EXOC6B: variants seen among roughly 807,000 people sequenced by gnomAD.
EXOC6B encodes SEC15 homolog B.
In EXOC6B, 54 loss-of-function variants were observed where a neutral mutation model predicts 113.5. That is an observed-to-expected ratio of 0.48 (90% CI 0.38 to 0.60). The LOEUF (loss-of-function observed/expected upper bound fraction) is 0.60, where lower values mean the gene tolerates loss of function less well. Ranked by LOEUF, EXOC6B falls within the 20% of genes least tolerant of loss-of-function variation. The pLI, the probability that EXOC6B is intolerant of heterozygous loss-of-function variation, is 0.00. For missense variants in EXOC6B, 797 were observed against 977.5 expected (o/e 0.82, Z 2.46); for synonymous variants, 357 against 339.0 (o/e 1.05, Z -0.58).
At chr2:72,618,468 T>C (rs1282346875) in intron 6 of EXOC6B, among the ~76,000 whole-genome samples, 1 of 152,168 alleles carries the variant, frequency 6.6e-6, no homozygotes, top group Non-Finnish European at 1.5e-5. Flanking sequence ...TATTCCAAAA[T>C]AAGACCCACC....
intron 8 of EXOC6B, among the ~76,000 whole-genome samples, chr2:72,537,532 G>C (rs896639359): frequency 2.0e-5 from 3 of 151,828 alleles, no homozygotes; most frequent in Non-Finnish European, 1.5e-5. Context: ...TCTGGAGGCT[G>C]AGTTGGGAAA....
chr2:72,348,542 T>G (rs983900559), intron 19 of EXOC6B, among the ~76,000 whole-genome samples: 2 of 152,166 alleles, frequency 1.3e-5, no homozygotes, highest in Non-Finnish European at 2.9e-5. Context: ...ATTTATTCAT[T>G]TTTCAAATTT....
intron 6 of EXOC6B, among the ~76,000 whole-genome samples, chr2:72,594,402 A>C (rs1344349730): frequency 1.3e-5 from 2 of 152,148 alleles, no homozygotes; most frequent in Non-Finnish European, 2.9e-5. Context: ...AATACTAAAG[A>C]CTAGAGTCAA....
intron 19 of EXOC6B, among the ~76,000 whole-genome samples, chr2:72,348,659 G>C (rs1689472655): frequency 6.6e-6 from 1 of 152,120 alleles, no homozygotes; most frequent in African/African-American, 2.4e-5. Context: ...AAAACTCTCT[G>C]CCTCAGTTTC....
chr2:72,566,014 T>C (rs1209654839), intron 7 of EXOC6B, among the ~76,000 whole-genome samples: 4 of 150,618 alleles, frequency 2.7e-5, no homozygotes, highest in Non-Finnish European at 5.9e-5. Flanking sequence ...TTTGTTTTGT[T>C]TTTTTTTTTA....
intron 6 of EXOC6B, among the ~76,000 whole-genome samples, chr2:72,673,106 G>A (rs1045470059): frequency 1.5e-4 from 23 of 151,994 alleles, no homozygotes; most frequent in African/African-American, 5.1e-4. Context: ...AATTAAAATA[G>A]CAATAAAACA....
chr2:72,279,009 T>C (rs11690734), intron 20 of EXOC6B, among the ~76,000 whole-genome samples: 55,124 of 151,938 alleles, frequency 0.36, 12,949 homozygotes, highest in African/African-American at 0.67. Flanking sequence ...TCAGGATATA[T>C]TAAATTCAAC....
rs62150118 is a variant in EXOC6B at position 72,177,724 on chromosome 2, G to T, written c.*1611C>A. The T allele has an allele frequency of 0.065, 9,873 of 152,188 alleles. 409 individuals carry two copies. The highest frequency in any genetic ancestry group is 0.12 in the African/African-American group (4,875 of 41,488). The allele number at this position is 152,188 out of a possible 1,614,324, so 9.4% of individuals were successfully genotyped here. ...GGTGAGGTAGGGGGGTTGGGGAGGG[G>T]CAAGGAAGTACTTCCCTCCCCAGAA... On this transcript the variant is annotated 3_prime_UTR_variant, in exon 22 of 22. Transcript: ENST00000272427.
chr2:72,706,756 A>G (rs1678905852), intron 6 of EXOC6B, among the ~76,000 whole-genome samples: 1 of 152,132 alleles, frequency 6.6e-6, no homozygotes, highest in Non-Finnish European at 1.5e-5. Context: ...CAGCCACAAA[A>G]TTCTTTGACA....
At chr2:72,447,394 A>T (rs939263990) in intron 18 of EXOC6B, among the ~76,000 whole-genome samples, 1 of 152,194 alleles carries the variant, frequency 6.6e-6, no homozygotes, top group Non-Finnish European at 1.5e-5. Flanking sequence ...ATTATCTTGT[A>T]ATGAAATCAA....
intron 19 of EXOC6B, among the ~76,000 whole-genome samples, chr2:72,339,652 C>G (rs1688910910): frequency 6.6e-6 from 1 of 152,140 alleles, no homozygotes; most frequent in South Asian, 2.1e-4. Flanking sequence ...GGTAGAAACT[C>G]ACAGAATCAA....
chr2:72,788,631 T>C (rs996798850), intron 1 of EXOC6B, among the ~76,000 whole-genome samples: 5 of 152,036 alleles, frequency 3.3e-5, no homozygotes, highest in Admixed American at 1.3e-4. Flanking sequence ...ACCCCATCTC[T>C]ACAAAAAATT....
At chr2:72,564,038 A>T (rs976396889) in intron 7 of EXOC6B, among the ~76,000 whole-genome samples, 1 of 152,154 alleles carries the variant, frequency 6.6e-6, no homozygotes, top group Non-Finnish European at 1.5e-5. Flanking sequence ...ATCTGCAGGT[A>T]AAAATATGAT....
intron 6 of EXOC6B, among the ~76,000 whole-genome samples, chr2:72,601,333 C>T (rs969033951): frequency 3.3e-5 from 5 of 152,046 alleles, no homozygotes; most frequent in Non-Finnish European, 5.9e-5. Context: ...CAGGCACCCA[C>T]CACCATGCCC....
At chr2:72,748,178 T>G (rs1415376709) in intron 1 of EXOC6B, among the ~76,000 whole-genome samples, 2 of 152,100 alleles carry the variant, frequency 1.3e-5, no homozygotes, top group Non-Finnish European at 2.9e-5. Context: ...AACATTTTGG[T>G]TTTTGTTTTT....
intron 18 of EXOC6B, among the ~76,000 whole-genome samples, chr2:72,449,997 T>C (rs990604329): frequency 6.6e-6 from 1 of 152,208 alleles, no homozygotes; most frequent in Non-Finnish European, 1.5e-5. Flanking sequence ...AAAGAGCAAC[T>C]AGGTATTCAA....
At chr2:72,618,197 T>C (rs28391830) in intron 6 of EXOC6B, among the ~76,000 whole-genome samples, 3,456 of 152,136 alleles carry the variant, frequency 0.023, 62 homozygotes, top group Non-Finnish European at 0.037. Context: ...GGTGAAACCC[T>C]GTCTCTACTA....
chr2:72,382,714 T>C (rs1691762686), intron 18 of EXOC6B, among the ~76,000 whole-genome samples: 1 of 152,150 alleles, frequency 6.6e-6, no homozygotes, highest in South Asian at 2.1e-4. Flanking sequence ...TGAGCAGTGT[T>C]TTTATACTTC....
chr2:72,572,081 G>C (rs951604738), intron 7 of EXOC6B, among the ~76,000 whole-genome samples: 3 of 151,938 alleles, frequency 2.0e-5, no homozygotes, highest in Admixed American at 2.0e-4. Flanking sequence ...ATTTTAGAAA[G>C]CAAACTTAAC....
Sources: allele counts gnomAD v4.1 joint callset (sites outside exome capture counted in the v4.1 genomes callset), GRCh38; gene constraint gnomAD v4.1.1; transcripts MANE v1.5; gene names NCBI Gene and HGNC (gene_info 2026-07-23, HGNC 2026-07-21).